The following DNM1 variants were observed in gnomAD, a reference collection of about 807,000 sequenced individuals.
DNM1 encodes dynamin 1.
In DNM1, 29 loss-of-function variants were observed where a neutral mutation model predicts 104.6. The observed-to-expected ratio is 0.28, with a 90% CI of 0.21 to 0.38. The LOEUF (loss-of-function observed/expected upper bound fraction) is 0.38. Ranked by LOEUF, DNM1 falls within the 10% of genes least tolerant of loss-of-function variation. The pLI is 1.00. For synonymous variants in DNM1, 445 were observed against 475.8 expected, an observed-to-expected ratio of 0.94 and a Z score of 0.84; for missense variants, 640 against 1,189.4, an observed-to-expected ratio of 0.54 and a Z score of 6.79.
chr9:128,223,264 C>T, intron 9 of DNM1: 1 of 202,926 alleles, frequency 4.9e-6, no homozygotes, highest in Non-Finnish European at 1.0e-5. Flanking sequence ...CTTTGCAATC[C>T]TCCACACCCT....
At chr9:128,210,560 A>G (rs941495719) in intron 1 of DNM1, among the ~76,000 whole-genome samples, 2 of 152,006 alleles carry the variant, frequency 1.3e-5, no homozygotes, top group Non-Finnish European at 2.9e-5. Flanking sequence ...ATGGGGTTTC[A>G]CCATATTGGC....
In DNM1 at chr9:128,253,600, C is replaced by G. The variant is rs1462334473; in HGVS notation, c.2535-1054C>G. ...CCTGGGTAGGGCATCCAGCTCCCAG[C>G]CTGGGAGTGCTGAGAGCCAAATCCA... On this transcript the variant is annotated intron_variant, in intron 21 of 21. Transcript: ENST00000372923. This position sits in a 1 kb window ranked among gnomAD's most constrained non-coding sequence, Gnocchi z 5.9. The G allele has an allele frequency of 5.0e-6, 1 of 200,512 alleles. No individual in the cohort carries two copies. The highest frequency in any genetic ancestry group is 1.0e-5 in the Non-Finnish European group (1 of 99,968). The allele number at this position is 200,512 out of a possible 1,614,324, so 12.4% of individuals were successfully genotyped here.
chr9:128,250,488 A>G (rs994331627), intron 20 of DNM1, 132 bp downstream of exon 20: 23 of 1,119,082 alleles, frequency 2.1e-5, no homozygotes, highest in Non-Finnish European at 2.4e-5. Context: ...GAGCTTAGAG[A>G]GGGCGGGGCT....
chr9:128,227,354 A>C, intron 10 of DNM1, among the ~76,000 whole-genome samples: 1 of 145,252 alleles, frequency 6.9e-6, no homozygotes, highest in Non-Finnish European at 1.5e-5. Context: ...GTATGTTGCT[A>C]CATAAAGATT....
chr9:128,231,818 C>T (rs1835709597), intron 10 of DNM1, among the ~76,000 whole-genome samples: 1 of 152,142 alleles, frequency 6.6e-6, no homozygotes, highest in Non-Finnish European at 1.5e-5. Context: ...GAAACTGAGG[C>T]CCAGAGAGGT....
intron 11 of DNM1, among the ~76,000 whole-genome samples, chr9:128,235,489 G>C (rs1219206972): frequency 1.4e-5 from 2 of 148,046 alleles, no homozygotes; most frequent in Non-Finnish European, 3.0e-5. Flanking sequence ...GTGAGACTCC[G>C]TCTCAAAAAA....
At position 128,226,260 on chromosome 9, in the gene DNM1, G is replaced by A. The variant is rs142568696; in HGVS notation, c.1335+1871G>A. 441 of 1,559,852 alleles carry A rather than the reference G, an allele frequency of 2.8e-4. No homozygotes were observed. In the African/African-American group the frequency reaches 3.2e-3, roughly 11 times the overall value. On this transcript the variant is annotated intron_variant, in intron 10 of 21. Transcript: ENST00000372923. Reference sequence around the variant, plus strand: ...CGTGGGCAGAAGGATCTGCTGAGCCGGCCTCACGGCTACCCGCAGGGACCC... The same window carrying A: ...CGTGGGCAGAAGGATCTGCTGAGCCAGCCTCACGGCTACCCGCAGGGACCC...
At chr9:128,252,388 C>T (rs574096528) in intron 21 of DNM1, 14 of 395,120 alleles carry the variant, frequency 3.5e-5, no homozygotes, top group Middle Eastern at 8.7e-4. Flanking sequence ...AAAGAGCAGT[C>T]TGGGAGAGCT....
chr9:128,240,661 G>GAA lies in DNM1; in HGVS notation c.1557+665_1557+666insAA, dbSNP rs1836309713. ...GCTCAAGCCCCTAGCCTGGCACGCA[G>GAA]TAGGTGCTCAACAGAATGAAGGGAG... On this transcript the variant is annotated intron_variant, in intron 14 of 21. Transcript: ENST00000372923. The surrounding 1 kb of genome is among the most constrained non-coding windows in gnomAD (Gnocchi z 5.1). 1 of 152,720 alleles carries GAA rather than the reference G, an allele frequency of 6.5e-6. No homozygotes were observed. The highest frequency in any genetic ancestry group is 1.5e-5 in the Non-Finnish European group (1 of 68,440). 9.5% of individuals were successfully genotyped at this position (152,720 alleles called of 1,614,324 possible). A position where few individuals can be genotyped will look rare whatever the true frequency, so the allele number is the denominator to read the frequency against.
At chr9:128,213,406 G>A (rs1834424257) in intron 1 of DNM1, among the ~76,000 whole-genome samples, 1 of 137,812 alleles carries the variant, frequency 7.3e-6, no homozygotes, top group South Asian at 2.2e-4. Flanking sequence ...TTAAAATGGA[G>A]AACACATGAT....
intron 20 of DNM1, 66 bp downstream of exon 20, chr9:128,250,422 A>C (rs1829440426): frequency 6.8e-7 from 1 of 1,472,348 alleles, no homozygotes; most frequent in Non-Finnish European, 9.0e-7. Flanking sequence ...GAATGCCGGG[A>C]CCGGGCAGTG....
intron 10 of DNM1, among the ~76,000 whole-genome samples, chr9:128,225,383 G>T (rs1835278017): frequency 6.6e-6 from 1 of 152,222 alleles, no homozygotes; most frequent in Admixed American, 6.5e-5. Flanking sequence ...GAGCTGGAGA[G>T]GGAGGTCAGG....
chr9:128,207,651 G>C (rs928586121), intron 1 of DNM1, among the ~76,000 whole-genome samples: 2 of 152,138 alleles, frequency 1.3e-5, no homozygotes, highest in Non-Finnish European at 2.9e-5. Flanking sequence ...GAGAAACCCT[G>C]GGCATGTTCC....
rs1358476205 is a variant in DNM1 at position 128,254,541 on chromosome 9, C to T, written c.2535-113C>T. ...ACACCTGCAGCCTCCCCTCCCCGGC[C>T]CTCCCACCACTGCTGCGGCGCGGCC... On this transcript the variant is annotated intron_variant, in intron 21 of 21. Coordinates refer to ENST00000372923, the MANE Select transcript of DNM1 (RefSeq NM_004408.4). This position sits in a 1 kb window ranked among gnomAD's most constrained non-coding sequence, Gnocchi z 6.1. 2 of 1,564,774 alleles carry T rather than the reference C, an allele frequency of 1.3e-6. No individual in the cohort carries two copies. The highest frequency in any genetic ancestry group is 1.7e-6 in the Non-Finnish European group (2 of 1,163,540).
chr9:128,205,869 G>A (rs1382317203), intron 1 of DNM1, among the ~76,000 whole-genome samples: 4 of 152,190 alleles, frequency 2.6e-5, no homozygotes, highest in African/African-American at 9.7e-5. Flanking sequence ...TTTGGACCGT[G>A]CCCCAGGAGG....
Position 128,253,121 on chromosome 9 carries a change from G to A in DNM1, c.2535-1533G>A, listed in dbSNP as rs753863318. On this transcript the variant is annotated intron_variant, in intron 21 of 21. Transcript: ENST00000372923. The surrounding 1 kb of genome is among the most constrained non-coding windows in gnomAD (Gnocchi z 5.9). ...TTCAGAATCACTATCAGTGACCCCT[G>A]AGGAGCGTCAGCCATGGTAGGTACA... is the stretch of plus-strand genomic sequence containing the variant. The A allele has an allele frequency of 5.6e-6, 9 of 1,608,452 alleles. No homozygotes were observed. In the African/African-American group the frequency reaches 6.7e-5, roughly 12 times the overall value.
At position 128,203,442 on chromosome 9, in the gene DNM1, G is replaced by A; in HGVS notation, c.-29G>A. On this transcript the variant is annotated 5_prime_UTR_variant, in exon 1 of 22. Transcript: ENST00000372923. This position sits in a 1 kb window ranked among gnomAD's most constrained non-coding sequence, Gnocchi z 5.3. ...GAGCCGGGAGCGCTAGCGGCAGCCGGATCGCAGCCTGCGGGGCCCGCCGCA... is the reference window on the plus strand; with the variant it reads ...GAGCCGGGAGCGCTAGCGGCAGCCGAATCGCAGCCTGCGGGGCCCGCCGCA... The A allele has an allele frequency of 6.9e-7, 1 of 1,444,166 alleles. No individual in the cohort carries two copies. The highest frequency in any genetic ancestry group is 9.1e-7 in the Non-Finnish European group (1 of 1,095,226). 89.5% of individuals were successfully genotyped at this position (1,444,166 alleles called of 1,614,324 possible).
intron 15 of DNM1, 46 bp downstream of exon 15, chr9:128,242,391 G>A: frequency 8.8e-7 from 1 of 1,132,784 alleles, no homozygotes; most frequent in Non-Finnish European, 1.3e-6. Flanking sequence ...CTGGTGGACA[G>A]AGTCAGGCTC....
In DNM1 at chr9:128,218,176, G is replaced by C; in HGVS notation, c.162-55G>C. On this transcript the variant is annotated intron_variant, in intron 1 of 21. Transcript: ENST00000372923. This position sits in a 1 kb window ranked among gnomAD's most constrained non-coding sequence, Gnocchi z 4.8. ...CCAGGGGCCGGACAGGTACCCCTGG[G>C]ACAGAGGGCGCCCCCTCATATCTTG... is the stretch of plus-strand genomic sequence containing the variant. 1.3e-6 allele frequency: 2 copies of C among 1,561,898 alleles called. No homozygotes were observed. The highest frequency in any genetic ancestry group is 1.8e-6 in the Non-Finnish European group (2 of 1,132,390).
Sources: allele counts gnomAD v4.1 joint callset (sites outside exome capture counted in the v4.1 genomes callset), GRCh38; gene constraint gnomAD v4.1.1; non-coding constraint Gnocchi (gnomAD v3.1); transcripts MANE v1.5; gene names NCBI Gene and HGNC (gene_info 2026-07-23, HGNC 2026-07-21).